Variants in PRKCB observed in about 807,000 individuals in gnomAD.
PRKCB encodes protein kinase C beta.
In PRKCB, 13 loss-of-function variants were observed where a neutral mutation model predicts 81.5. The observed-to-expected ratio is 0.16, with a 90% CI of 0.10 to 0.25. The LOEUF is 0.25. Ranked by LOEUF, PRKCB falls within the 10% of genes least tolerant of loss-of-function variation. The pLI, the probability that PRKCB is intolerant of heterozygous loss-of-function variation, is 1.00. For missense variants in PRKCB, 509 were observed against 875.7 expected, an observed-to-expected ratio of 0.58 and a Z score of 5.29; for synonymous variants, 335 against 321.4, an observed-to-expected ratio of 1.04 and a Z score of -0.45.
At chr16:23,941,419 T>TCATA (rs917736179) in intron 2 of PRKCB, among the ~76,000 whole-genome samples, 30 of 152,296 alleles carry the variant, frequency 2.0e-4, no homozygotes, top group African/African-American at 6.7e-4. Context: ...TACCCTAGCA[T>TCATA]CATACATACA....
intron 16 of PRKCB, among the ~76,000 whole-genome samples, chr16:24,193,240 C>T (rs529562721): frequency 2.0e-5 from 3 of 151,856 alleles, no homozygotes; most frequent in Admixed American, 2.0e-4. Context: ...CTCAGGAGTT[C>T]GAGATCAGCC....
chr16:24,094,431 T>C (rs997050997), intron 7 of PRKCB, 134 bp downstream of exon 7: 9 of 1,226,820 alleles, frequency 7.3e-6, no homozygotes, highest in Admixed American at 2.4e-5. Context: ...TGATTGGATC[T>C]GCCTTGCAGA....
At chr16:23,871,096 C>T (rs1480455413) in intron 2 of PRKCB, among the ~76,000 whole-genome samples, 1 of 152,178 alleles carries the variant, frequency 6.6e-6, no homozygotes, top group Non-Finnish European at 1.5e-5. Context: ...ACTGCTGCAC[C>T]GTCTCTTCCA....
chr16:23,949,893 G>A (rs1301386421), intron 2 of PRKCB, among the ~76,000 whole-genome samples: 1 of 152,146 alleles, frequency 6.6e-6, no homozygotes, highest in African/African-American at 2.4e-5. Context: ...TGAGATCTAG[G>A]AGTGCCAGAG....
At chr16:24,085,501 A>G (rs1442767649) in intron 5 of PRKCB, among the ~76,000 whole-genome samples, 1 of 152,192 alleles carries the variant, frequency 6.6e-6, no homozygotes, top group Non-Finnish European at 1.5e-5. Context: ...GTTATCCTCT[A>G]TCATTAGGGT....
intron 5 of PRKCB, among the ~76,000 whole-genome samples, chr16:24,069,744 C>CAA (rs553153530): frequency 3.5e-4 from 54 of 152,174 alleles, no homozygotes; most frequent in Middle Eastern, 3.4e-3. Flanking sequence ...TGTATCAAAA[C>CAA]AAAACAAACA....
chr16:23,891,021 G>GTAATGTGTGTGTA (rs1963285936), intron 2 of PRKCB, among the ~76,000 whole-genome samples: 1 of 148,224 alleles, frequency 6.7e-6, no homozygotes, highest in African/African-American at 2.5e-5. Flanking sequence ...GTGTGTGTGT[G>GTAATGTGTGTGTA]TATATATATA....
chr16:23,969,559 C>A (rs1964529918), intron 2 of PRKCB, among the ~76,000 whole-genome samples: 1 of 152,136 alleles, frequency 6.6e-6, no homozygotes, highest in Non-Finnish European at 1.5e-5. Flanking sequence ...GTAGTTTCTA[C>A]CTCATTGGGT....
intron 5 of PRKCB, 83 bp downstream of exon 5, chr16:24,035,630 C>G: frequency 6.0e-6 from 3 of 500,430 alleles, no homozygotes; most frequent in Non-Finnish European, 8.5e-6. Flanking sequence ...AGGGGTGGGG[C>G]AGTCCAGTGG....
In PRKCB at chr16:23,925,349, T is replaced by C. The variant is rs113827229; in HGVS notation, c.206-63159T>C. On this transcript the variant is annotated intron_variant, in intron 2 of 16. Coordinates refer to ENST00000643927, the MANE Select transcript of PRKCB (RefSeq NM_002738.7). ...CTTTTCATTCTGCAGGACTTGCCCA[T>C]TGGGGCTCTTTCAGACCTGACTGGT... Among the ~76,000 whole-genome samples the C allele has an allele frequency of 1.1e-3, 175 of 152,200 alleles. 1 individual carries two copies. Among genetic ancestry groups the C allele is most frequent in the African/African-American group, 3.7e-3 (152 of 41,552 alleles).
intron 2 of PRKCB, among the ~76,000 whole-genome samples, chr16:23,858,973 A>T (rs549264107): frequency 6.6e-6 from 1 of 151,418 alleles, no homozygotes; most frequent in African/African-American, 2.4e-5. Flanking sequence ...TGCAAAGAAT[A>T]AAAAAAAATG....
chr16:24,039,523 C>T (rs2141860718), intron 5 of PRKCB, among the ~76,000 whole-genome samples: 1 of 152,354 alleles, frequency 6.6e-6, no homozygotes, highest in African/African-American at 2.4e-5. Context: ...AGCCACTGTG[C>T]CGGCCTAAAT....
At chr16:24,204,574 G>A (rs1258900554) in intron 16 of PRKCB, among the ~76,000 whole-genome samples, 1 of 152,148 alleles carries the variant, frequency 6.6e-6, no homozygotes, top group East Asian at 1.9e-4. Flanking sequence ...AACAATGTGG[G>A]TTTAGGATGA....
intron 16 of PRKCB, among the ~76,000 whole-genome samples, chr16:24,213,831 T>C (rs1420788802): frequency 6.6e-6 from 1 of 152,220 alleles, no homozygotes; most frequent in Non-Finnish European, 1.5e-5. Context: ...ACATATGTGT[T>C]ATAACTCTGC....
rs377754553 is a variant in PRKCB at position 23,991,755 on chromosome 16, A to G, written c.288+3165A>G. Among the ~76,000 whole-genome samples, 5 of 152,342 alleles carry G rather than the reference A, an allele frequency of 3.3e-5. No homozygotes were observed. In the South Asian group the frequency reaches 8.3e-4, roughly 25 times the overall value. ...TTATTTTCAGGAAGGCTTGTCTCCT[A>G]TGCGAGCATGGTGGCTGCAACACCT... On this transcript the variant is annotated intron_variant, in intron 3 of 16. Coordinates refer to ENST00000643927, the MANE Select transcript of PRKCB (RefSeq NM_002738.7).
intron 16 of PRKCB, among the ~76,000 whole-genome samples, chr16:24,196,246 G>A (rs1596593801): frequency 6.6e-6 from 1 of 152,204 alleles, no homozygotes; most frequent in Admixed American, 6.5e-5. Flanking sequence ...AATGGCCATA[G>A]AACAAGATGC....
At chr16:23,861,270 G>A (rs1962659912) in intron 2 of PRKCB, among the ~76,000 whole-genome samples, 1 of 151,948 alleles carries the variant, frequency 6.6e-6, no homozygotes. Context: ...CCAGGCTCAA[G>A]CAAACCTCCC....
At chr16:23,873,028 A>G (rs886660817) in intron 2 of PRKCB, among the ~76,000 whole-genome samples, 1 of 150,214 alleles carries the variant, frequency 6.7e-6, no homozygotes, top group Non-Finnish European at 1.5e-5. Flanking sequence ...AAATAAAATA[A>G]AAAATAAAAA....
intron 8 of PRKCB, among the ~76,000 whole-genome samples, chr16:24,118,286 G>T (rs1966758335): frequency 6.6e-6 from 1 of 152,230 alleles, no homozygotes; most frequent in South Asian, 2.1e-4. Flanking sequence ...GATTGAATGA[G>T]GTAATGCGTT....
Sources: allele counts gnomAD v4.1 joint callset (sites outside exome capture counted in the v4.1 genomes callset), GRCh38; gene constraint gnomAD v4.1.1; transcripts MANE v1.5; gene names NCBI Gene and HGNC (gene_info 2026-07-23, HGNC 2026-07-21).